TTBK2: variants seen among roughly 807,000 people sequenced by gnomAD.
The protein encoded by TTBK2 is tau-tubulin kinase 2.
Under a neutral mutation model 110.8 loss-of-function variants are expected in TTBK2, and 28 were observed. The ratio of observed to expected loss-of-function variants is 0.25; its 90% CI spans 0.19 to 0.35. TTBK2 has a LOEUF of 0.35. TTBK2 is among the 10% of genes least tolerant of loss of function. The probability of loss-of-function intolerance (pLI) is 1.00; values close to 1 mark genes in which losing one functional copy is unlikely to be tolerated. For synonymous variants in TTBK2, 532 were observed against 527.3 expected (o/e 1.01, Z -0.12); for missense variants, 1,369 against 1,500.3 (o/e 0.91, Z 1.45).
intron 3 of TTBK2, 128 bp downstream of exon 3, chr15:42,872,483 T>C: frequency 9.2e-7 from 1 of 1,084,092 alleles, no homozygotes; most frequent in South Asian, 1.4e-5. Flanking sequence ...ATGCTCAGCG[T>C]ATTTATACCC....
intron 4 of TTBK2, 48 bp from the exon 5 acceptor site, chr15:42,830,126 T>C (rs1282536033): frequency 1.2e-6 from 2 of 1,608,494 alleles, no homozygotes; most frequent in South Asian, 1.1e-5. Flanking sequence ...AAAACTATAG[T>C]ATAAGAGAAG....
chr15:42,814,738 A>T (rs1296550858), intron 7 of TTBK2, among the ~76,000 whole-genome samples: 1 of 152,226 alleles, frequency 6.6e-6, no homozygotes, highest in Admixed American at 6.5e-5. Context: ...CAAGAGGTGC[A>T]CTCCTGCATC....
In TTBK2 at chr15:42,891,220, C is replaced by T. The variant is rs1477227664; in HGVS notation, c.-67-12536G>A. Among the ~76,000 whole-genome samples, 11 of 147,570 alleles carry T rather than the reference C, an allele frequency of 7.5e-5. No homozygotes were observed. The East Asian group carries it at 1.6e-3, about 22-fold the overall frequency. On this transcript the variant is annotated intron_variant, in intron 1 of 14. Coordinates refer to ENST00000267890, the MANE Select transcript of TTBK2 (RefSeq NM_173500.4). Reference sequence around the variant, plus strand: ...AAGAGATGGGGTCTCACTGTCGCCCCGGCTGGAGTGCAGTGGTGCAAACAT... The same window carrying T: ...AAGAGATGGGGTCTCACTGTCGCCCTGGCTGGAGTGCAGTGGTGCAAACAT...
chr15:42,915,322 G>C (rs2031022868), intron 1 of TTBK2, among the ~76,000 whole-genome samples: 1 of 152,192 alleles, frequency 6.6e-6, no homozygotes, highest in Non-Finnish European at 1.5e-5. Flanking sequence ...TTGGTTGTTA[G>C]ATCACTGTCT....
intron 3 of TTBK2, among the ~76,000 whole-genome samples, chr15:42,864,357 G>C (rs1187027095): frequency 6.6e-6 from 1 of 152,118 alleles, no homozygotes; most frequent in East Asian, 1.9e-4. Flanking sequence ...GGCCAAAGCA[G>C]GCAGATCACC....
chr15:42,881,107 C>A (rs186299580), intron 1 of TTBK2, among the ~76,000 whole-genome samples: 203 of 151,556 alleles, frequency 1.3e-3, no homozygotes, highest in African/African-American at 4.8e-3. Context: ...TATGGCAAGA[C>A]CCTGTCTCTA....
chr15:42,808,104 A>T (rs1891552173), intron 9 of TTBK2, among the ~76,000 whole-genome samples: 1 of 152,204 alleles, frequency 6.6e-6, no homozygotes, highest in Admixed American at 6.5e-5. Flanking sequence ...AAAATAATAT[A>T]ATACTTCTCA....
intron 10 of TTBK2, among the ~76,000 whole-genome samples, chr15:42,793,499 C>A (rs1293739736): frequency 6.6e-6 from 1 of 152,040 alleles, no homozygotes; most frequent in Non-Finnish European, 1.5e-5. Flanking sequence ...TATGACTGTG[C>A]CTATAAATAG....
At chr15:42,789,589 C>T (rs1890556225) in intron 10 of TTBK2, among the ~76,000 whole-genome samples, 2 of 151,910 alleles carry the variant, frequency 1.3e-5, no homozygotes, top group Non-Finnish European at 2.9e-5. Context: ...CAAAAATTAG[C>T]CAGCTGTGGT....
At chr15:42,920,815 C>T (rs970963649), upstream of TTBK2, 26 of 153,156 alleles carry the variant, frequency 1.7e-4, no homozygotes, top group Non-Finnish European at 2.9e-5. Context: ...ATTCTCCCCC[C>T]TCGTAACCCG....
At chr15:42,870,467 A>C (rs1201124075) in intron 3 of TTBK2, among the ~76,000 whole-genome samples, 1 of 152,100 alleles carries the variant, frequency 6.6e-6, no homozygotes, top group Non-Finnish European at 1.5e-5. Flanking sequence ...GGAATGTGAG[A>C]ACAGACAATA....
rs367762591 is a variant in TTBK2, at chr15:42,741,790, T to C, written c.*4005A>G. On this transcript the variant is annotated 3_prime_UTR_variant, in exon 15 of 15. Transcript: ENST00000267890. ...ACAGCCAGGGGAAAATGCATTTTTT[T>C]CACCGAGTCTCACTAAATCATTCTG... 1 of 152,192 alleles carries C rather than the reference T, an allele frequency of 6.6e-6. No homozygotes were observed. The highest frequency in any genetic ancestry group is 1.9e-4 in the East Asian group (1 of 5,206). 9.4% of individuals were successfully genotyped at this position (152,192 alleles called of 1,614,324 possible).
Position 42,745,894 on chromosome 15 carries a change from G to C in TTBK2, c.3636C>G (p.Ser1212Arg), listed in dbSNP as rs774584978. The C allele has an allele frequency of 6.2e-7, 1 of 1,614,132 alleles. No homozygotes were observed. Among genetic ancestry groups the C allele is most frequent in the South Asian group, 1.1e-5 (1 of 91,074 alleles). The change falls in exon 15 of 15, where the codon AGC becomes AGG. Residue 1212 changes from serine (S) to arginine (R), a missense_variant. Transcript: ENST00000267890. ...TGCCGGATCCTTTCAGGCCATTCTT[G>C]CTGGGTTTGCAATGCTCCTGTTGGC... ...RSCQQEHCKP[S>R]KNGLKGSGSL...
chr15:42,765,086 C>T (rs1262603874), intron 13 of TTBK2, among the ~76,000 whole-genome samples: 1 of 152,170 alleles, frequency 6.6e-6, no homozygotes, highest in Non-Finnish European at 1.5e-5. Context: ...ACATCCACAC[C>T]AAAACCCCAT....
chr15:42,776,177 G>C (rs998853323), intron 12 of TTBK2, among the ~76,000 whole-genome samples: 104 of 152,176 alleles, frequency 6.8e-4, no homozygotes, highest in African/African-American at 2.3e-3. Context: ...CCAGATTGGA[G>C]TAGGCCAGAA....
rs1567040414 is a variant in TTBK2, at chr15:42,815,932, ATATATATATATATATTT to A, written c.603+1083_603+1099del. On this transcript the variant is annotated intron_variant, in intron 7 of 14. Transcript: ENST00000267890. ...TTTAAAAATATATATATATTTAAAA[ATATATATATATATATTT>A]AAAAAAAAAATATATATATATATAT... 2.4e-3 allele frequency among the ~76,000 whole-genome samples: 70 copies of A among 28,698 alleles called. 1 individual carries two copies. Among genetic ancestry groups the A allele is most frequent in the African/African-American group, 0.022 (67 of 2,984 alleles). 18.8% of individuals were successfully genotyped at this position (28,698 alleles called of 152,430 possible). A position where few individuals can be genotyped will look rare whatever the true frequency, so the allele number is the denominator to read the frequency against.
At chr15:42,843,293 C>T (rs1478460154) in intron 3 of TTBK2, among the ~76,000 whole-genome samples, 5 of 152,216 alleles carry the variant, frequency 3.3e-5, no homozygotes. Context: ...AACAAACCCA[C>T]TCTCTGGCGA....
At chr15:42,832,128 C>A (rs940820682) in intron 4 of TTBK2, among the ~76,000 whole-genome samples, 4 of 152,032 alleles carry the variant, frequency 2.6e-5, no homozygotes, top group African/African-American at 9.7e-5. Flanking sequence ...GTTCCCTGCA[C>A]CTGTAGCGAA....
At chr15:42,784,440 G>A (rs953946455) in intron 10 of TTBK2, among the ~76,000 whole-genome samples, 5 of 152,036 alleles carry the variant, frequency 3.3e-5, no homozygotes, top group Non-Finnish European at 7.4e-5. Context: ...ACCACACTGG[G>A]CTATTTTTTG....
Sources: allele counts gnomAD v4.1 joint callset (sites outside exome capture counted in the v4.1 genomes callset), GRCh38; gene constraint gnomAD v4.1.1; transcripts MANE v1.5; gene names NCBI Gene and HGNC (gene_info 2026-07-23, HGNC 2026-07-21).